Variants in COL25A1 observed in about 807,000 individuals in gnomAD.
COL25A1 encodes the protein collagen alpha-1(XXV) chain.
In COL25A1, 103 loss-of-function variants were observed where a neutral mutation model predicts 128.4. That is an observed-to-expected ratio of 0.80 (90% CI 0.68 to 0.94). The LOEUF is 0.94. Among genes scored for constraint, COL25A1 ranks in the 40% least tolerant of loss-of-function variants. The probability of loss-of-function intolerance (pLI) is 0.00; values close to 1 mark genes in which losing one functional copy is unlikely to be tolerated. For synonymous variants in COL25A1, 279 were observed against 277.2 expected, an observed-to-expected ratio of 1.01 and a Z score of -0.06; for missense variants, 745 against 840.0, an observed-to-expected ratio of 0.89 and a Z score of 1.40.
chr4:108,953,252 G>A (rs988210756), intron 8 of COL25A1, among the ~76,000 whole-genome samples: 7 of 152,194 alleles, frequency 4.6e-5, no homozygotes, highest in African/African-American at 1.7e-4. Flanking sequence ...ACTCTTATAG[G>A]TACCTTTCTG....
intron 31 of COL25A1, chr4:108,834,255 C>G (rs1733511676): frequency 3.3e-6 from 4 of 1,228,796 alleles, no homozygotes; most frequent in Admixed American, 2.1e-5. Context: ...TAAGTACACC[C>G]TCATCATTTG....
intron 24 of COL25A1, 82 bp downstream of exon 24, chr4:108,859,573 TG>T: frequency 8.9e-7 from 1 of 1,122,414 alleles, no homozygotes; most frequent in Non-Finnish European, 1.3e-6. Context: ...ATAGAGGGTG[TG>T]GAAGCTCATA....
chr4:108,896,856 G>C (rs1412938727), intron 15 of COL25A1, 145 bp from the exon 16 acceptor site: 5 of 699,624 alleles, frequency 7.1e-6, no homozygotes, highest in Non-Finnish European at 9.8e-6. Flanking sequence ...ATTTATACTT[G>C]ACCAGTTGTC....
At chr4:109,249,643 TAAAAAG>T (rs1325625083) in intron 3 of COL25A1, among the ~76,000 whole-genome samples, 4 of 152,306 alleles carry the variant, frequency 2.6e-5, no homozygotes, top group South Asian at 2.1e-4. Flanking sequence ...AAGGATTTAC[TAAAAAG>T]AAAAAGTTAC....
At chr4:108,829,806 G>A (rs1203218990) in intron 32 of COL25A1, among the ~76,000 whole-genome samples, 1 of 152,116 alleles carries the variant, frequency 6.6e-6, no homozygotes, top group Non-Finnish European at 1.5e-5. Flanking sequence ...GAAATGGACA[G>A]CTGACCCAGT....
At chr4:109,138,005 T>TGTGTGTGTGC in intron 3 of COL25A1, among the ~76,000 whole-genome samples, 1 of 152,010 alleles carries the variant, frequency 6.6e-6, no homozygotes, top group East Asian at 1.9e-4. Context: ...TGTGTGTGTG[T>TGTGTGTGTGC]GTGTGTGTGT....
At chr4:109,149,438 C>T (rs1771260105) in intron 3 of COL25A1, among the ~76,000 whole-genome samples, 1 of 151,928 alleles carries the variant, frequency 6.6e-6, no homozygotes, top group East Asian at 1.9e-4. Context: ...GGCTGGTTGG[C>T]ATCAGTGAAT....
chr4:109,145,575 A>G (rs1770860464), intron 3 of COL25A1, among the ~76,000 whole-genome samples: 1 of 152,238 alleles, frequency 6.6e-6, no homozygotes, highest in Non-Finnish European at 1.5e-5. Context: ...GCAATGGCTC[A>G]CGCCTGCAAT....
chr4:109,280,797 C>G (rs1020842020), intron 3 of COL25A1, among the ~76,000 whole-genome samples: 3 of 151,918 alleles, frequency 2.0e-5, no homozygotes, highest in Non-Finnish European at 2.9e-5. Flanking sequence ...AGGCAAGCAC[C>G]ACCACACCCG....
chr4:109,071,962 G>C (rs1560637461), intron 3 of COL25A1, among the ~76,000 whole-genome samples: 1 of 152,172 alleles, frequency 6.6e-6, no homozygotes, highest in Non-Finnish European at 1.5e-5. Flanking sequence ...ATACCCAAAG[G>C]ATTATAAATC....
intron 3 of COL25A1, among the ~76,000 whole-genome samples, chr4:109,071,688 C>T (rs1762986439): frequency 6.6e-6 from 1 of 152,148 alleles, no homozygotes; most frequent in African/African-American, 2.4e-5. Flanking sequence ...CCAAAAGACA[C>T]ATGAAAAAAT....
Position 109,136,161 on chromosome 4 carries a change from GC to G in COL25A1, c.368-85983del, listed in dbSNP as rs780982441. ...ATCTGTAATCCTAGCACTTTGGGAA[GC>G]CAAGGCGGGTGGATCACCTGAGGTC... On this transcript the variant is annotated intron_variant, in intron 3 of 37. Transcript: ENST00000399132. Among the ~76,000 whole-genome samples the G allele has an allele frequency of 1.2e-3, 178 of 152,286 alleles. 1 individual carries two copies. The highest frequency in any genetic ancestry group is 9.2e-4 in the Admixed American group (14 of 15,286).
intron 23 of COL25A1, among the ~76,000 whole-genome samples, chr4:108,860,489 C>CAA (rs1190161810): frequency 6.6e-6 from 1 of 152,108 alleles, no homozygotes; most frequent in Non-Finnish European, 1.5e-5. Flanking sequence ...AGGGAACAAA[C>CAA]AATAGAATAC....
intron 19 of COL25A1, among the ~76,000 whole-genome samples, chr4:108,876,087 A>G (rs1025044330): frequency 1.3e-5 from 2 of 152,118 alleles, no homozygotes; most frequent in Non-Finnish European, 2.9e-5. Context: ...GGGGAGGGAT[A>G]GCGTTAGGAG....
chr4:108,852,770 G>C (rs1400496278), intron 25 of COL25A1, 132 bp downstream of exon 25: 2 of 701,586 alleles, frequency 2.9e-6, no homozygotes, highest in Non-Finnish European at 4.7e-6. Flanking sequence ...AAATGTAAAA[G>C]ATTATTAATA....
intron 3 of COL25A1, among the ~76,000 whole-genome samples, chr4:109,199,302 T>A (rs1163352825): frequency 6.6e-6 from 1 of 152,016 alleles, no homozygotes; most frequent in Non-Finnish European, 1.5e-5. Context: ...AGAATTGGAA[T>A]TACATTTCTT....
chr4:109,139,639 T>C (rs1770185241), intron 3 of COL25A1, among the ~76,000 whole-genome samples: 1 of 152,298 alleles, frequency 6.6e-6, no homozygotes, highest in Admixed American at 6.5e-5. Flanking sequence ...TGTAGATGTG[T>C]GGCGTTATTT....
chr4:109,127,481 T>C (rs1349773744), intron 3 of COL25A1, among the ~76,000 whole-genome samples: 1 of 152,108 alleles, frequency 6.6e-6, no homozygotes, highest in Non-Finnish European at 1.5e-5. Flanking sequence ...CAAGTTACTT[T>C]CTTTTATTTA....
intron 11 of COL25A1, among the ~76,000 whole-genome samples, chr4:108,930,510 G>A (rs1239781203): frequency 2.0e-5 from 3 of 152,222 alleles, no homozygotes; most frequent in Non-Finnish European, 2.9e-5. Context: ...CAAATTGGAA[G>A]AGAAGGCAAA....
Sources: gnomAD v4.1 joint callset for allele counts (sites outside exome capture counted in the v4.1 genomes callset) on GRCh38, gnomAD v4.1.1 for gene constraint, MANE v1.5 for transcripts, NCBI Gene and HGNC (gene_info 2026-07-23, HGNC 2026-07-21) for gene names.